The following SORCS2 variants were observed in gnomAD, a reference collection of about 807,000 sequenced individuals.
SORCS2 encodes the protein sortilin related VPS10 domain containing receptor 2, also known as VPS10 domain-containing receptor SorCS2.
A neutral mutation model predicts 141.6 loss-of-function variants in SORCS2; 100 were observed. The ratio of observed to expected loss-of-function variants is 0.71; its 90% CI spans 0.60 to 0.83. The LOEUF (loss-of-function observed/expected upper bound fraction) is 0.83, where lower values mean the gene tolerates loss of function less well. Among genes scored for constraint, SORCS2 ranks in the 40% least tolerant of loss-of-function variants. The pLI is 0.00. For synonymous variants in SORCS2, 789 were observed against 676.9 expected (o/e 1.17, Z -2.57); for missense variants, 1,646 against 1,560.2 (o/e 1.05, Z -0.93).
chr4:7,276,373 A>G (rs1206101232), intron 1 of SORCS2, among the ~76,000 whole-genome samples: 2 of 152,114 alleles, frequency 1.3e-5, no homozygotes, highest in East Asian at 3.9e-4. Flanking sequence ...CCTCCGGCAG[A>G]CAAGATACGT....
chr4:7,601,508 A>C (rs1210556905), intron 3 of SORCS2, among the ~76,000 whole-genome samples: 1 of 150,742 alleles, frequency 6.6e-6, no homozygotes, highest in Non-Finnish European at 1.5e-5. Context: ...AGTCCCAGCT[A>C]CTCAGGAGGC....
chr4:7,255,732 G>C (rs1037012826), intron 1 of SORCS2, among the ~76,000 whole-genome samples: 1 of 152,156 alleles, frequency 6.6e-6, no homozygotes, highest in Non-Finnish European at 1.5e-5. Flanking sequence ...CTAGGCCTGT[G>C]GTGTTATCTG....
rs534129184 is a variant in SORCS2, at chr4:7,515,573, G to A, written c.549-15957G>A. ...AGCACATTGAGGAGGCCTGGACACC[G>A]TCCATCCTGCTGACTTCCCAGGCTG... On this transcript the variant is annotated intron_variant, in intron 2 of 26. Transcript: ENST00000507866. 1.4e-3 allele frequency among the ~76,000 whole-genome samples: 212 copies of A among 152,346 alleles called. 2 individuals carry two copies. The highest frequency in any genetic ancestry group is 2.3e-3 in the Non-Finnish European group (155 of 68,024).
At chr4:7,721,534 A>C (rs747701020) in intron 18 of SORCS2, among the ~76,000 whole-genome samples, 3 of 152,182 alleles carry the variant, frequency 2.0e-5, no homozygotes, top group Non-Finnish European at 2.9e-5. Flanking sequence ...CGAGTGAAAA[A>C]AGCCACTCCC....
At chr4:7,348,718 A>G (rs935158078) in intron 1 of SORCS2, among the ~76,000 whole-genome samples, 1 of 152,158 alleles carries the variant, frequency 6.6e-6, no homozygotes, top group Middle Eastern at 3.4e-3. Flanking sequence ...TGTCTGGCTA[A>G]TTTTTTGTAT....
intron 1 of SORCS2, among the ~76,000 whole-genome samples, chr4:7,336,203 C>T (rs887434111): frequency 3.9e-5 from 6 of 152,166 alleles, no homozygotes; most frequent in East Asian, 1.9e-4. Context: ...GTCGATTGCT[C>T]GTGGTGGAGA....
At chr4:7,424,633 C>T (rs1419363694) in intron 2 of SORCS2, among the ~76,000 whole-genome samples, 7 of 152,306 alleles carry the variant, frequency 4.6e-5, no homozygotes, top group East Asian at 1.9e-4. Flanking sequence ...GCTAACGTGA[C>T]GTGTGACCCC....
intron 3 of SORCS2, among the ~76,000 whole-genome samples, chr4:7,595,559 C>G (rs1717216145): frequency 6.6e-6 from 1 of 151,418 alleles, no homozygotes; most frequent in Non-Finnish European, 1.5e-5. Flanking sequence ...ATCTCATTAC[C>G]ATACGAAAGA....
At chr4:7,684,061 C>A (rs1057292311) in intron 10 of SORCS2, among the ~76,000 whole-genome samples, 5 of 152,164 alleles carry the variant, frequency 3.3e-5, no homozygotes, top group Admixed American at 1.3e-4. Context: ...CCTTCCAACA[C>A]CCCTGTGAGA....
At chr4:7,475,751 C>T (rs541152825) in intron 2 of SORCS2, among the ~76,000 whole-genome samples, 5 of 152,370 alleles carry the variant, frequency 3.3e-5, no homozygotes, top group Admixed American at 6.5e-5. Flanking sequence ...CCCTGCTCCC[C>T]GCTCTTACTG....
chr4:7,711,471 A>T (rs933546699), intron 14 of SORCS2, among the ~76,000 whole-genome samples: 2 of 152,186 alleles, frequency 1.3e-5, no homozygotes, highest in Non-Finnish European at 2.9e-5. Flanking sequence ...CCCGACCCAG[A>T]TGCTTGGCCT....
At chr4:7,719,452 G>A (rs1338547329) in intron 18 of SORCS2, among the ~76,000 whole-genome samples, 2 of 152,248 alleles carry the variant, frequency 1.3e-5, no homozygotes, top group African/African-American at 4.8e-5. Context: ...GGCCACACGG[G>A]AATGAGTGGC....
chr4:7,271,022 C>T (rs1025946767), intron 1 of SORCS2, among the ~76,000 whole-genome samples: 1 of 152,198 alleles, frequency 6.6e-6, no homozygotes, highest in Non-Finnish European at 1.5e-5. Flanking sequence ...ACAGCTCTTG[C>T]TAAGGGAAGG....
At chr4:7,606,757 C>T (rs915793199) in intron 3 of SORCS2, among the ~76,000 whole-genome samples, 2 of 151,958 alleles carry the variant, frequency 1.3e-5, no homozygotes, top group Non-Finnish European at 2.9e-5. Context: ...ATTCTTCAAG[C>T]AGAGGAGGGT....
intron 2 of SORCS2, among the ~76,000 whole-genome samples, chr4:7,495,971 G>A (rs898524722): frequency 6.6e-6 from 1 of 152,220 alleles, no homozygotes; most frequent in Non-Finnish European, 1.5e-5. Context: ...TTGCCTGGGC[G>A]AGGGACAGAA....
At chr4:7,706,735 C>T (rs112624345) in intron 14 of SORCS2, among the ~76,000 whole-genome samples, 65,211 of 76,292 alleles carry the variant, frequency 0.85, 28,459 homozygotes, top group East Asian at 0.97. Context: ...CTGGGCTCTG[C>T]CTGGGCAGGG....
At chr4:7,646,941 CT>C (rs1294903507) in intron 4 of SORCS2, among the ~76,000 whole-genome samples, 1 of 152,130 alleles carries the variant, frequency 6.6e-6, no homozygotes, top group Admixed American at 6.5e-5. Flanking sequence ...TGGAGTGTGA[CT>C]TATGCTACAC....
intron 24 of SORCS2, 77 bp downstream of exon 24, chr4:7,733,498 C>A: frequency 8.2e-7 from 1 of 1,220,780 alleles, no homozygotes; most frequent in Non-Finnish European, 1.1e-6. Flanking sequence ...CCCTGCAGGG[C>A]CCTCGGGCAG....
intron 2 of SORCS2, among the ~76,000 whole-genome samples, chr4:7,463,027 C>G (rs1729406996): frequency 6.6e-6 from 1 of 151,948 alleles, no homozygotes; most frequent in African/African-American, 2.4e-5. Context: ...ATCTCAGCTC[C>G]CAGTGTGACA....
Sources: allele counts gnomAD v4.1 joint callset (sites outside exome capture counted in the v4.1 genomes callset), GRCh38; gene constraint gnomAD v4.1.1; transcripts MANE v1.5; gene names NCBI Gene and HGNC (gene_info 2026-07-23, HGNC 2026-07-21).